NRDC: variants seen among roughly 807,000 people sequenced by gnomAD.
The protein encoded by NRDC is nardilysin convertase.
A neutral mutation model predicts 147.1 loss-of-function variants in NRDC; 54 were observed. The observed-to-expected ratio is 0.37, with a 90% CI of 0.29 to 0.46. The LOEUF is 0.46. NRDC is among the 20% of genes least tolerant of loss of function. NRDC has a pLI of 1.00. For synonymous variants in NRDC, 440 were observed against 482.1 expected (o/e 0.91, Z 1.14); for missense variants, 1,082 against 1,370.6 (o/e 0.79, Z 3.33).
intron 2 of NRDC, 134 bp downstream of exon 2, chr1:51,840,092 C>T: frequency 4.9e-6 from 3 of 611,604 alleles, no homozygotes; most frequent in South Asian, 5.6e-5. Flanking sequence ...AAATGTAATC[C>T]TGATACAGAA....
chr1:51,794,771 C>T (rs1344487251), intron 23 of NRDC, 52 bp downstream of exon 23: 32 of 1,605,270 alleles, frequency 2.0e-5, no homozygotes, highest in Non-Finnish European at 2.6e-5. Flanking sequence ...TGGCTCCATG[C>T]CCTCTCGCTG....
Position 51,792,293 on chromosome 1 carries a change from T to C in NRDC, c.2823+84A>G, listed in dbSNP as rs879222371. 17 of 1,433,924 alleles carry C rather than the reference T, an allele frequency of 1.2e-5. No individual in the cohort carries two copies. In the Admixed American group the frequency reaches 2.0e-4, roughly 17 times the overall value. 88.8% of individuals were successfully genotyped at this position (1,433,924 alleles called of 1,614,324 possible). A position where few individuals can be genotyped will look rare whatever the true frequency, so the allele number is the denominator to read the frequency against. On this transcript the variant is annotated intron_variant, in intron 25 of 30. Transcript: ENST00000352171. ...AAATCACAGATCTCTGACTACCCCA[T>C]GTCCCTAACCCAGGCAGAAAAGGCC...
At chr1:51,807,420 G>C (rs892562072) in intron 17 of NRDC, among the ~76,000 whole-genome samples, 9 of 152,138 alleles carry the variant, frequency 5.9e-5, no homozygotes, top group Non-Finnish European at 1.0e-4. Flanking sequence ...TAAAAGAGCT[G>C]GATTTGGTAG....
chr1:51,821,992 T>C (rs1240085152), intron 7 of NRDC, among the ~76,000 whole-genome samples: 1 of 152,132 alleles, frequency 6.6e-6, no homozygotes. Flanking sequence ...TTGTTTTACA[T>C]TAATGTACAC....
intron 3 of NRDC, 124 bp from the exon 4 acceptor site, chr1:51,834,294 T>A: frequency 4.0e-6 from 4 of 998,126 alleles, no homozygotes; most frequent in Non-Finnish European, 6.0e-6. Flanking sequence ...AATGGTTATG[T>A]CTGAATTCTT....
chr1:51,801,231 T>C (rs1679179258), intron 20 of NRDC: 1 of 148,346 alleles, frequency 6.7e-6, no homozygotes, highest in Admixed American at 6.9e-5. Flanking sequence ...ATCCTATACT[T>C]TTCCTGTTTA....
At chr1:51,875,148 T>A (rs1279655997) in intron 1 of NRDC, among the ~76,000 whole-genome samples, 2 of 152,190 alleles carry the variant, frequency 1.3e-5, no homozygotes, top group African/African-American at 2.4e-5. Context: ...GTTACAAAAA[T>A]TCATAGAATT....
At chr1:51,816,462 G>C in intron 10 of NRDC, 73 bp from the exon 11 acceptor site, 2 of 709,202 alleles carry the variant, frequency 2.8e-6, no homozygotes, top group Non-Finnish European at 2.3e-6. Context: ...TACCTCTAAG[G>C]CTACAATAAT....
intron 6 of NRDC, among the ~76,000 whole-genome samples, chr1:51,824,666 G>A (rs144076559): frequency 7.7e-4 from 117 of 152,200 alleles, no homozygotes; most frequent in African/African-American, 2.3e-3. Context: ...AAATTAAGTC[G>A]CAGTTCAAAA....
intron 10 of NRDC, among the ~76,000 whole-genome samples, chr1:51,817,553 T>G (rs148099231): frequency 8.1e-4 from 124 of 152,274 alleles, no homozygotes; most frequent in African/African-American, 2.9e-3. Flanking sequence ...AAATTATTAT[T>G]ATTTTGAGAC....
intron 1 of NRDC, among the ~76,000 whole-genome samples, chr1:51,848,544 A>C (rs538810322): frequency 2.0e-5 from 3 of 152,278 alleles, no homozygotes; most frequent in African/African-American, 7.2e-5. Context: ...ACTGCAAAAC[A>C]TATTATTACC....
chr1:51,878,722 A>T lies in NRDC; in HGVS notation c.-107T>A. 1.0e-6 allele frequency: 1 copy of T among 961,030 alleles called. No individual in the cohort carries two copies. The highest frequency in any genetic ancestry group is 1.6e-5 in the African/African-American group (1 of 61,198). 59.5% of individuals were successfully genotyped at this position (961,030 alleles called of 1,614,324 possible). A position where few individuals can be genotyped will look rare whatever the true frequency, so the allele number is the denominator to read the frequency against. ...TGGTGCTGCCGCAGCCGCGGGGAAC[A>T]GGCCTGAACCCCTCCCCCAACCCAG... On this transcript the variant is annotated 5_prime_UTR_variant, in exon 1 of 31. Coordinates refer to ENST00000352171, the MANE Select transcript of NRDC (RefSeq NM_001101662.2).
intron 1 of NRDC, among the ~76,000 whole-genome samples, chr1:51,842,995 TGGAA>T (rs1317664966): frequency 7.5e-6 from 1 of 133,392 alleles, no homozygotes; most frequent in African/African-American, 2.9e-5. Flanking sequence ...GCCCGGGACA[TGGAA>T]GTTGCCGTGA....
chr1:51,800,428 A>G, intron 21 of NRDC, 128 bp downstream of exon 21: 1 of 1,083,324 alleles, frequency 9.2e-7, no homozygotes, highest in South Asian at 1.6e-5. Flanking sequence ...GGTCTCCTAA[A>G]CTAGAGCACG....
At chr1:51,803,479 A>G (rs1679308886) in intron 20 of NRDC, among the ~76,000 whole-genome samples, 1 of 146,794 alleles carries the variant, frequency 6.8e-6, no homozygotes, top group Non-Finnish European at 1.5e-5. Flanking sequence ...TGTCTCAAAA[A>G]AAAAAAAAAA....
At chr1:51,878,202 C>G in intron 1 of NRDC, 73 bp downstream of exon 1, 1 of 1,507,040 alleles carries the variant, frequency 6.6e-7, no homozygotes, top group African/African-American at 1.4e-5. Flanking sequence ...GACATGGAGA[C>G]AAGAAGTGAC....
At chr1:51,828,776 T>G (rs1429652593) in intron 4 of NRDC, among the ~76,000 whole-genome samples, 3 of 149,996 alleles carry the variant, frequency 2.0e-5, no homozygotes, top group African/African-American at 7.4e-5. Flanking sequence ...TAGAATGCAG[T>G]GGCACAATCA....
intron 21 of NRDC, among the ~76,000 whole-genome samples, chr1:51,799,371 T>G (rs1679082694): frequency 1.4e-5 from 2 of 147,122 alleles, no homozygotes; most frequent in African/African-American, 2.5e-5. Flanking sequence ...CAACAGGCCC[T>G]GGTGTGTGAT....
At chr1:51,798,706 T>C in intron 21 of NRDC, 1 of 247,618 alleles carries the variant, frequency 4.0e-6, no homozygotes, top group East Asian at 8.5e-5. Flanking sequence ...GTTTACTTAG[T>C]TGTACACTGA....
Sources: allele counts gnomAD v4.1 joint callset (sites outside exome capture counted in the v4.1 genomes callset), GRCh38; gene constraint gnomAD v4.1.1; transcripts MANE v1.5; gene names NCBI Gene and HGNC (gene_info 2026-07-23, HGNC 2026-07-21).